SLC44A5: variants seen among roughly 807,000 people sequenced by gnomAD.
The protein encoded by SLC44A5 is solute carrier family 44 member 5.
Under a neutral mutation model 101.8 loss-of-function variants are expected in SLC44A5, and 57 were observed. The ratio of observed to expected loss-of-function variants is 0.56; its 90% confidence interval spans 0.45 to 0.70. SLC44A5 has a LOEUF of 0.70. Among genes scored for constraint, SLC44A5 ranks in the 30% least tolerant of loss-of-function variants. SLC44A5 has a pLI of 0.00. For missense variants in SLC44A5, 737 were observed against 853.1 expected (o/e 0.86, Z 1.70); for synonymous variants, 281 against 290.9 (o/e 0.97, Z 0.35).
chr1:75,214,726 C>T (rs1465554396), intron 19 of SLC44A5, 48 bp from the exon 20 acceptor site: 1 of 1,481,284 alleles, frequency 6.8e-7, no homozygotes, highest in African/African-American at 1.4e-5. Context: ...CATACTCTAA[C>T]AAGATCAAAA....
intron 2 of SLC44A5, among the ~76,000 whole-genome samples, chr1:75,452,729 A>G (rs1665973794): frequency 6.6e-6 from 1 of 152,128 alleles, no homozygotes; most frequent in African/African-American, 2.4e-5. Context: ...ATGAAAAAAG[A>G]GCAGAGGTCA....
chr1:75,657,461 A>G, the SLC44A5 span, among the ~76,000 whole-genome samples: 1 of 151,488 alleles, frequency 6.6e-6, no homozygotes, highest in African/African-American at 2.4e-5. Context: ...AGGTGGGAGA[A>G]TCACTTGAGC....
At chr1:75,407,087 C>T (rs903487763) in intron 2 of SLC44A5, among the ~76,000 whole-genome samples, 1 of 152,062 alleles carries the variant, frequency 6.6e-6, no homozygotes, top group Non-Finnish European at 1.5e-5. Flanking sequence ...AGAGCCCAAT[C>T]GTGAGTGAAC....
intron 4 of SLC44A5, among the ~76,000 whole-genome samples, chr1:75,330,640 T>C (rs1400460982): frequency 6.6e-6 from 1 of 152,048 alleles, no homozygotes; most frequent in African/African-American, 2.4e-5. Flanking sequence ...TGTTCTAGTG[T>C]CTCCCATCTT....
chr1:75,719,468 A>T, the SLC44A5 span, among the ~76,000 whole-genome samples: 17 of 152,130 alleles, frequency 1.1e-4, no homozygotes, highest in Non-Finnish European at 1.2e-4. Context: ...AGAAAACTGG[A>T]GAAAAAAAAA....
At chr1:75,676,256 T>C in the SLC44A5 span, among the ~76,000 whole-genome samples, 1 of 152,182 alleles carries the variant, frequency 6.6e-6, no homozygotes, top group African/African-American at 2.4e-5. Flanking sequence ...CATATGTTCA[T>C]TGCAGCACTA....
intron 11 of SLC44A5, among the ~76,000 whole-genome samples, chr1:75,235,255 T>C (rs1647970506): frequency 6.6e-6 from 1 of 151,914 alleles, no homozygotes; most frequent in Admixed American, 6.6e-5. Flanking sequence ...AAACAAAAAA[T>C]ACAGCTATTT....
chr1:75,578,428 TGATA>T lies in SLC44A5; in HGVS notation c.-70+32608_-70+32611del, dbSNP rs763886568. On this transcript the variant is annotated intron_variant, in intron 1 of 23. Transcript: ENST00000370859. ...TGATTGATAGAGATAGACAGATGATTGATAGATAGATAGATAGACATAAAATAGA... is the reference window on the plus strand; with the variant it reads ...TGATTGATAGAGATAGACAGATGATTGATAGATAGATAGACATAAAATAGA... Among the ~76,000 whole-genome samples the T allele has an allele frequency of 3.1e-4, 47 of 152,162 alleles. 1 individual carries two copies. The South Asian group carries it at 5.0e-3, about 16-fold the overall frequency.
chr1:75,469,435 T>C (rs969158272), intron 2 of SLC44A5, among the ~76,000 whole-genome samples: 3 of 151,988 alleles, frequency 2.0e-5, no homozygotes, highest in African/African-American at 7.3e-5. Context: ...TTTATATAAT[T>C]TAGATGCAGA....
intron 3 of SLC44A5, among the ~76,000 whole-genome samples, chr1:75,343,627 G>A (rs1201410101): frequency 6.6e-6 from 1 of 152,078 alleles, no homozygotes; most frequent in Non-Finnish European, 1.5e-5. Context: ...GAACTCAGGT[G>A]GGATGAATAC....
At chr1:75,637,955 C>T in the SLC44A5 span, among the ~76,000 whole-genome samples, 1 of 151,992 alleles carries the variant, frequency 6.6e-6, no homozygotes, top group Non-Finnish European at 1.5e-5. Context: ...TTCTTTCCCT[C>T]TATTACCTAG....
chr1:75,416,295 C>T (rs1030511876), intron 2 of SLC44A5, among the ~76,000 whole-genome samples: 2 of 148,924 alleles, frequency 1.3e-5, no homozygotes, highest in Non-Finnish European at 3.0e-5. Context: ...ACTGTGGCTT[C>T]AGAGGATGCA....
intron 2 of SLC44A5, among the ~76,000 whole-genome samples, chr1:75,472,018 T>C (rs1468772535): frequency 6.7e-6 from 1 of 150,008 alleles, no homozygotes; most frequent in Admixed American, 6.8e-5. Flanking sequence ...CAATACTAGA[T>C]ATTGTATTTT....
At chr1:75,649,830 G>C in the SLC44A5 span, among the ~76,000 whole-genome samples, 1 of 152,134 alleles carries the variant, frequency 6.6e-6, no homozygotes, top group African/African-American at 2.4e-5. Flanking sequence ...AGAGGTGTAT[G>C]CCTGTACTGA....
At chr1:75,530,691 C>T (rs1670666654) in intron 2 of SLC44A5, among the ~76,000 whole-genome samples, 1 of 152,150 alleles carries the variant, frequency 6.6e-6, no homozygotes, top group Admixed American at 6.5e-5. Context: ...TTTACTTTTA[C>T]CAAAAACTAA....
At chr1:75,609,317 T>C (rs1037973393) in intron 1 of SLC44A5, among the ~76,000 whole-genome samples, 2 of 152,040 alleles carry the variant, frequency 1.3e-5, no homozygotes, top group Admixed American at 1.3e-4. Context: ...TTTTTCTTTT[T>C]TAATTGGCAA....
At chr1:75,480,688 C>A (rs1008874154) in intron 2 of SLC44A5, among the ~76,000 whole-genome samples, 35 of 151,950 alleles carry the variant, frequency 2.3e-4, no homozygotes, top group Admixed American at 2.6e-4. Flanking sequence ...TAGGAATCCA[C>A]CTTACAAGGG....
chr1:75,722,093 T>A, the SLC44A5 span, among the ~76,000 whole-genome samples: 1 of 152,144 alleles, frequency 6.6e-6, no homozygotes, highest in Non-Finnish European at 1.5e-5. Flanking sequence ...ATCTACAACC[T>A]ACAGATCTGA....
upstream of SLC44A5, among the ~76,000 whole-genome samples, chr1:75,615,416 T>TACACACACACACATACAG (rs1557965257): frequency 7.6e-6 from 1 of 131,702 alleles, no homozygotes; most frequent in Non-Finnish European, 1.6e-5. Context: ...CTCTCTCTCT[T>TACACACACACACATACAG]ACACACACAC....
Sources: allele counts gnomAD v4.1 joint callset (sites outside exome capture counted in the v4.1 genomes callset), GRCh38; gene constraint gnomAD v4.1.1; transcripts MANE v1.5; gene names NCBI Gene and HGNC (gene_info 2026-07-23, HGNC 2026-07-21).